The following TRPM6 variants were observed in gnomAD, a reference collection of about 807,000 sequenced individuals.
TRPM6 encodes channel kinase 2.
Under a neutral mutation model 247.6 loss-of-function variants are expected in TRPM6, and 111 were observed. The observed-to-expected ratio is 0.45, with a 90% confidence interval of 0.38 to 0.52. The LOEUF is 0.52. Ranked by LOEUF, TRPM6 falls within the 20% of genes least tolerant of loss-of-function variation. The probability of loss-of-function intolerance (pLI) is 0.00; values close to 1 mark genes in which losing one functional copy is unlikely to be tolerated. For missense variants in TRPM6, 2,126 were observed against 2,421.5 expected, an observed-to-expected ratio of 0.88 and a Z score of 2.56; for synonymous variants, 892 against 853.8, an observed-to-expected ratio of 1.04 and a Z score of -0.78.
At chr9:74,821,937 T>C (rs558271824) in intron 7 of TRPM6, 100 bp from the exon 8 acceptor site, 29 of 1,332,048 alleles carry the variant, frequency 2.2e-5, no homozygotes, top group African/African-American at 2.2e-4. Flanking sequence ...TTACCACCTA[T>C]GTTCATTCCT....
intron 9 of TRPM6, among the ~76,000 whole-genome samples, chr9:74,819,013 G>A (rs1192198149): frequency 6.6e-6 from 1 of 152,044 alleles, no homozygotes; most frequent in Non-Finnish European, 1.5e-5. Context: ...TCATTGATAT[G>A]AATTGATAAT....
chr9:74,775,901 C>T lies in TRPM6; in HGVS notation c.3385G>A (p.Glu1129Lys). The change falls in exon 24 of 39, where the codon GAG (glutamate) becomes AAG (lysine). Residue 1129 changes from glutamate (E) to lysine (K), a missense_variant. Glu to Lys is a moderately conservative substitution (Grantham distance 56). Around this residue, in one of 3 missense-constraint regions of TRPM6, gnomAD observed 717 missense variants for 715.9 expected, o/e 1.00. Coordinates refer to ENST00000360774, the MANE Select transcript of TRPM6 (RefSeq NM_017662.5). ...AACTTACTTAATCCAACGTCACCCTCTTCTTGGTCGTGAGGAGCTCGATGA... is the reference window on the plus strand; with the variant it reads ...AACTTACTTAATCCAACGTCACCCTTTTCTTGGTCGTGAGGAGCTCGATGA... ...CCHRAPHDQE[E>K]GDVGLKLYLS... 6.2e-7 allele frequency: 1 copy of T among 1,614,194 alleles called. No homozygotes were observed. The highest frequency in any genetic ancestry group is 8.5e-7 in the Non-Finnish European group (1 of 1,180,040).
At chr9:74,843,653 C>CA (rs556783609) in intron 3 of TRPM6, among the ~76,000 whole-genome samples, 179 of 138,958 alleles carry the variant, frequency 1.3e-3, no homozygotes, top group Middle Eastern at 3.7e-3. Context: ...CTAAAAAATA[C>CA]AAAAAAAAAA....
intron 21 of TRPM6, among the ~76,000 whole-genome samples, chr9:74,785,056 G>A (rs141414577): frequency 1.2e-3 from 180 of 152,222 alleles, no homozygotes; most frequent in African/African-American, 4.0e-3. Flanking sequence ...GCAGTGAGCC[G>A]TGATCGCACC....
Position 74,755,341 on chromosome 9 carries a change from G to C in TRPM6, c.4906+12C>G. Reference sequence around the variant, plus strand: ...AGGGTTTTTGGGATCCAAAATTGTAGATGTTACATACCTGTGTGACTAAAT... The same window carrying C: ...AGGGTTTTTGGGATCCAAAATTGTACATGTTACATACCTGTGTGACTAAAT... On this transcript the variant is annotated intron_variant, in intron 28 of 38. Coordinates refer to ENST00000360774, the MANE Select transcript of TRPM6 (RefSeq NM_017662.5). 3 of 1,613,880 alleles carry C rather than the reference G, an allele frequency of 1.9e-6. No homozygotes were observed. The highest frequency in any genetic ancestry group is 2.2e-5 in the East Asian group (1 of 44,878).
At chr9:74,732,660 A>C in intron 37 of TRPM6, 25 bp downstream of exon 37, 1 of 1,547,546 alleles carries the variant, frequency 6.5e-7, no homozygotes, top group South Asian at 1.1e-5. Flanking sequence ...CAATTTTCTA[A>C]ATGATAACAC....
In TRPM6 at chr9:74,739,918, C is replaced by G; in HGVS notation, c.5292G>C (p.Ala1764=). The G allele has an allele frequency of 6.2e-7, 1 of 1,614,080 alleles. No homozygotes were observed. Among genetic ancestry groups the G allele is most frequent in the Admixed American group, 1.7e-5 (1 of 60,002 alleles). The change falls in exon 34 of 39, where the codon GCG becomes GCC. Residue 1764 remains alanine (A), a synonymous_variant. Coordinates refer to ENST00000360774, the MANE Select transcript of TRPM6 (RefSeq NM_017662.5). ...CTCGGGACAATACCTGGATCATTGC[C>G]GCTCTCCCACGCTGAGACCAAGAGG... The part of the protein sequence containing the change: ...SMSSWSQRGR[A]AMIQVLSREE...
At chr9:74,743,289 G>A (rs1563992983) in intron 32 of TRPM6, among the ~76,000 whole-genome samples, 1 of 152,150 alleles carries the variant, frequency 6.6e-6, no homozygotes. Flanking sequence ...TCAGGATAAG[G>A]CAATCTATTA....
intron 1 of TRPM6, among the ~76,000 whole-genome samples, chr9:74,861,289 T>C (rs961562741): frequency 4.6e-5 from 7 of 152,214 alleles, no homozygotes; most frequent in Non-Finnish European, 8.8e-5. Flanking sequence ...CTGGGACTTC[T>C]ATTGCAAACG....
At chr9:74,870,201 A>T (rs1358696262) in intron 1 of TRPM6, among the ~76,000 whole-genome samples, 1 of 151,226 alleles carries the variant, frequency 6.6e-6, no homozygotes, top group Non-Finnish European at 1.5e-5. Context: ...TTGAAAAAAT[A>T]ATGAATTCAA....
intron 3 of TRPM6, among the ~76,000 whole-genome samples, chr9:74,848,833 T>C (rs746699533): frequency 2.6e-5 from 4 of 152,196 alleles, no homozygotes; most frequent in Non-Finnish European, 4.4e-5. Flanking sequence ...TATCTGCTTA[T>C]CTGATGACAA....
At chr9:74,843,138 C>T (rs1829999633) in intron 3 of TRPM6, among the ~76,000 whole-genome samples, 1 of 152,192 alleles carries the variant, frequency 6.6e-6, no homozygotes, top group African/African-American at 2.4e-5. Flanking sequence ...CCAGTAGATT[C>T]CATTTCAATG....
chr9:74,744,298 T>C (rs1825962241), intron 31 of TRPM6, 153 bp from the exon 32 acceptor site: 1 of 759,656 alleles, frequency 1.3e-6, no homozygotes, highest in African/African-American at 1.7e-5. Context: ...TTAACCACAG[T>C]ATTGCGCATG....
intron 3 of TRPM6, among the ~76,000 whole-genome samples, chr9:74,849,913 G>A (rs1361188642): frequency 6.6e-6 from 1 of 152,238 alleles, no homozygotes; most frequent in African/African-American, 2.4e-5. Context: ...GTGTAACTGA[G>A]AACCTGTAGC....
At chr9:74,824,076 C>G (rs989409266) in intron 7 of TRPM6, among the ~76,000 whole-genome samples, 4 of 151,272 alleles carry the variant, frequency 2.6e-5, no homozygotes, top group African/African-American at 9.7e-5. Context: ...GTATATAATA[C>G]TTTTACCATC....
chr9:74,755,345 T>C lies in TRPM6; in HGVS notation c.4906+8A>G. On this transcript the variant is annotated splice_region_variant and intron_variant, in intron 28 of 38. Coordinates refer to ENST00000360774, the MANE Select transcript of TRPM6 (RefSeq NM_017662.5). ...TTTTTGGGATCCAAAATTGTAGATG[T>C]TACATACCTGTGTGACTAAATTTGG... is the stretch of plus-strand genomic sequence containing the variant. The C allele has an allele frequency of 1.2e-6, 2 of 1,613,978 alleles. No individual in the cohort carries two copies. The highest frequency in any genetic ancestry group is 1.7e-6 in the Non-Finnish European group (2 of 1,179,950).
rs182036782 is a variant in TRPM6 at position 74,750,837 on chromosome 9, C to T, written c.4999-115G>A. On this transcript the variant is annotated intron_variant, in intron 29 of 38. Coordinates refer to ENST00000360774, the MANE Select transcript of TRPM6 (RefSeq NM_017662.5). ...GAATCCTTCTTTTTTCTTCATCTAC[C>T]TGAATATTCTTCTTTTAAAAAACAT... 2.1e-4 allele frequency: 191 copies of T among 916,140 alleles called. No individual in the cohort carries two copies. The African/African-American group carries it at 2.9e-3, about 14-fold the overall frequency. The allele number at this position is 916,140 out of a possible 1,614,324, so 56.8% of individuals were successfully genotyped here.
chr9:74,880,093 G>A (rs1831315598), intron 1 of TRPM6, among the ~76,000 whole-genome samples: 1 of 152,046 alleles, frequency 6.6e-6, no homozygotes, highest in African/African-American at 2.4e-5. Context: ...GGAGTCCTCT[G>A]TGCTGATTGT....
chr9:74,873,506 G>A (rs1351147313), intron 1 of TRPM6, among the ~76,000 whole-genome samples: 1 of 152,186 alleles, frequency 6.6e-6, no homozygotes, highest in Non-Finnish European at 1.5e-5. Flanking sequence ...GCACATACGA[G>A]AATTATGATT....
Sources: allele counts gnomAD v4.1 joint callset (sites outside exome capture counted in the v4.1 genomes callset), GRCh38; gene constraint gnomAD v4.1.1; regional missense constraint gnomAD v4.1.1; transcripts MANE v1.5; gene names NCBI Gene and HGNC (gene_info 2026-07-23, HGNC 2026-07-21).